KHDRBS2: variants seen among roughly 807,000 people sequenced by gnomAD.
KHDRBS2 encodes the protein KH RNA binding domain containing, signal transduction associated 2, also known as KH domain-containing, RNA-binding, signal transduction-associated protein 2.
In KHDRBS2, 26 loss-of-function variants were observed where a neutral mutation model predicts 44.3. The observed-to-expected ratio is 0.59, with a 90% CI of 0.43 to 0.81. The LOEUF (loss-of-function observed/expected upper bound fraction) is 0.81, where lower values mean the gene tolerates loss of function less well. KHDRBS2 is among the 40% of genes least tolerant of loss of function. KHDRBS2 has a pLI of 0.00. For synonymous variants in KHDRBS2, 194 were observed against 151.1 expected, an observed-to-expected ratio of 1.28 and a Z score of -2.08; for missense variants, 476 against 433.1, an observed-to-expected ratio of 1.10 and a Z score of -0.88.
intron 6 of KHDRBS2, among the ~76,000 whole-genome samples, chr6:61,829,541 AAGCTTAGATGGTAAAAAAAAAACCT>A (rs1430161927): frequency 2.0e-5 from 3 of 152,154 alleles, no homozygotes; most frequent in Non-Finnish European, 4.4e-5. Context: ...TTAGCCCAAG[AAGCTTAGATGGTAAAAAAAAAACCT>A]AGTAAAAGAT....
intron 6 of KHDRBS2, among the ~76,000 whole-genome samples, chr6:61,839,489 C>G (rs1793260218): frequency 2.0e-5 from 3 of 151,998 alleles, no homozygotes; most frequent in African/African-American, 7.2e-5. Context: ...GTTTAATAGT[C>G]AACTGTAAAG....
At chr6:61,905,227 C>T (rs73487382) in intron 4 of KHDRBS2, among the ~76,000 whole-genome samples, 1,570 of 152,056 alleles carry the variant, frequency 0.01, 28 homozygotes, top group African/African-American at 0.036. Flanking sequence ...GAGATTGGAA[C>T]AAATTGGCTG....
intron 6 of KHDRBS2, among the ~76,000 whole-genome samples, chr6:61,738,165 T>A (rs186728058): frequency 1.3e-5 from 2 of 152,024 alleles, no homozygotes; most frequent in Non-Finnish European, 1.5e-5. Flanking sequence ...AATACTACTT[T>A]ATTACTTAAG....
At chr6:61,942,114 C>T (rs1200134478) in intron 4 of KHDRBS2, among the ~76,000 whole-genome samples, 3 of 139,386 alleles carry the variant, frequency 2.2e-5, no homozygotes, top group Middle Eastern at 3.8e-3. Flanking sequence ...GCACACCACA[C>T]CTACCCAATT....
rs571542288 is a variant in KHDRBS2, at chr6:62,241,984, A to G, written c.91+43874T>C. ...AGCATTTCAACATCAGGAAGTTTAG[A>G]TTGTCCTAACTTACAGATTTTTGAC... On this transcript the variant is annotated intron_variant, in intron 1 of 8. Coordinates refer to ENST00000281156, the MANE Select transcript of KHDRBS2 (RefSeq NM_152688.4). Among the ~76,000 whole-genome samples the G allele has an allele frequency of 5.3e-5, 8 of 152,292 alleles. No individual in the cohort carries two copies. In the South Asian group the frequency reaches 1.7e-3, roughly 32 times the overall value.
At chr6:62,093,167 A>G (rs1799799499) in intron 2 of KHDRBS2, among the ~76,000 whole-genome samples, 1 of 151,892 alleles carries the variant, frequency 6.6e-6, no homozygotes, top group Non-Finnish European at 1.5e-5. Flanking sequence ...AACAATATGT[A>G]CAATAAAACA....
chr6:62,169,598 T>C (rs1819603022), intron 2 of KHDRBS2, among the ~76,000 whole-genome samples: 1 of 152,004 alleles, frequency 6.6e-6, no homozygotes, highest in African/African-American at 2.4e-5. Flanking sequence ...GGAATCAATG[T>C]GTAGACAGGA....
chr6:61,917,631 T>C (rs1807264265), intron 4 of KHDRBS2, among the ~76,000 whole-genome samples: 2 of 151,862 alleles, frequency 1.3e-5, no homozygotes, highest in African/African-American at 4.8e-5. Context: ...TAATGTAAAC[T>C]ATGAACTTTG....
At chr6:62,140,668 A>C (rs1375829793) in intron 2 of KHDRBS2, among the ~76,000 whole-genome samples, 2 of 152,212 alleles carry the variant, frequency 1.3e-5, no homozygotes, top group African/African-American at 4.8e-5. Flanking sequence ...GTTCAAAAAA[A>C]CCCAGAAGTA....
At chr6:61,819,796 G>T (rs1402984050) in intron 6 of KHDRBS2, among the ~76,000 whole-genome samples, 1 of 152,020 alleles carries the variant, frequency 6.6e-6, no homozygotes, top group Non-Finnish European at 1.5e-5. Flanking sequence ...GATGAGGCAA[G>T]ATAAGTCTGA....
chr6:61,705,792 T>G lies in KHDRBS2; in HGVS notation c.894-8539A>C, dbSNP rs545642727. On this transcript the variant is annotated intron_variant, in intron 7 of 8. Coordinates refer to ENST00000281156, the MANE Select transcript of KHDRBS2 (RefSeq NM_152688.4). Reference sequence around the variant, plus strand: ...CAAGCACACATGCTTCTCAGCACCCTCTCAATCCCTTTCAATTTTTTCCTC... The same window carrying G: ...CAAGCACACATGCTTCTCAGCACCCGCTCAATCCCTTTCAATTTTTTCCTC... 3.3e-4 allele frequency among the ~76,000 whole-genome samples: 50 copies of G among 151,886 alleles called. 1 individual carries two copies. Among genetic ancestry groups the G allele is most frequent in the Non-Finnish European group, 1.5e-5 (1 of 67,860 alleles).
chr6:61,896,060 A>G (rs1802884307), intron 5 of KHDRBS2, among the ~76,000 whole-genome samples: 1 of 152,192 alleles, frequency 6.6e-6, no homozygotes, highest in Non-Finnish European at 1.5e-5. Context: ...ACAAAGACCC[A>G]GAGGCCCAGT....
intron 1 of KHDRBS2, among the ~76,000 whole-genome samples, chr6:62,229,179 G>C (rs1832456101): frequency 6.6e-6 from 1 of 152,102 alleles, no homozygotes; most frequent in Non-Finnish European, 1.5e-5. Flanking sequence ...AGGGAGATCA[G>C]AGTTGGGTCC....
chr6:61,938,245 C>T (rs1197444313), intron 4 of KHDRBS2, among the ~76,000 whole-genome samples: 1 of 152,034 alleles, frequency 6.6e-6, no homozygotes, highest in African/African-American at 2.4e-5. Context: ...AGTGTGTATT[C>T]AGGAGAGTTG....
intron 2 of KHDRBS2, among the ~76,000 whole-genome samples, chr6:62,174,492 T>C (rs962656599): frequency 3.3e-5 from 5 of 151,800 alleles, no homozygotes; most frequent in Non-Finnish European, 5.9e-5. Context: ...CAGGGCTAGA[T>C]AAATCATTCT....
intron 6 of KHDRBS2, among the ~76,000 whole-genome samples, chr6:61,830,698 C>A (rs1791648138): frequency 6.6e-6 from 1 of 152,144 alleles, no homozygotes; most frequent in African/African-American, 2.4e-5. Flanking sequence ...GGTCTAATGT[C>A]ATGTCCTGGG....
chr6:61,889,759 C>A (rs1801536121), intron 6 of KHDRBS2, among the ~76,000 whole-genome samples: 1 of 152,186 alleles, frequency 6.6e-6, no homozygotes, highest in South Asian at 2.1e-4. Flanking sequence ...TCCAACAGCA[C>A]CATGAATTGG....
chr6:61,824,827 A>G (rs2065064), intron 6 of KHDRBS2, among the ~76,000 whole-genome samples: 1,706 of 152,216 alleles, frequency 0.011, 30 homozygotes, highest in African/African-American at 0.04. Flanking sequence ...TATGCACAAT[A>G]TTTAAATATT....
At chr6:62,112,239 A>G (rs184630609) in intron 2 of KHDRBS2, among the ~76,000 whole-genome samples, 6 of 152,176 alleles carry the variant, frequency 3.9e-5, no homozygotes, top group African/African-American at 1.4e-4. Flanking sequence ...ACTAAAGTTG[A>G]CATTTATACT....
Sources: allele counts gnomAD v4.1 joint callset (sites outside exome capture counted in the v4.1 genomes callset), GRCh38; gene constraint gnomAD v4.1.1; transcripts MANE v1.5; gene names NCBI Gene and HGNC (gene_info 2026-07-23, HGNC 2026-07-21).